LDLRAP1: variants seen among roughly 807,000 people sequenced by gnomAD.
LDLRAP1 encodes the protein low density lipoprotein receptor adaptor protein 1.
In LDLRAP1, 30 loss-of-function variants were observed where a neutral mutation model predicts 37.8. The observed-to-expected ratio is 0.79, with a 90% CI of 0.59 to 1.08. The LOEUF is 1.08. Among genes scored for constraint, LDLRAP1 ranks in the 50% least tolerant of loss-of-function variants. The pLI is 0.00. For synonymous variants in LDLRAP1, 156 were observed against 169.8 expected, an observed-to-expected ratio of 0.92 and a Z score of 0.63; for missense variants, 375 against 401.6, an observed-to-expected ratio of 0.93 and a Z score of 0.57.
chr1:25,588,451 C>T, the LDLRAP1 span, among the ~76,000 whole-genome samples: 2 of 152,176 alleles, frequency 1.3e-5, no homozygotes, highest in African/African-American at 2.4e-5. Context: ...TTGGGACATG[C>T]GGGCGGCAAT....
chr1:25,558,544 G>A (rs1247414801), intron 4 of LDLRAP1, among the ~76,000 whole-genome samples: 2 of 152,120 alleles, frequency 1.3e-5, no homozygotes, highest in African/African-American at 4.8e-5. Context: ...GTTCTGGGGG[G>A]AATCCATTTC....
At chr1:25,562,789 G>T in intron 5 of LDLRAP1, 73 bp downstream of exon 5, 1 of 1,346,886 alleles carries the variant, frequency 7.4e-7, no homozygotes, top group Non-Finnish European at 1.1e-6. Flanking sequence ...GGTCAGACCT[G>T]GACCGACTTC....
chr1:25,579,638 G>A, the LDLRAP1 span, among the ~76,000 whole-genome samples: 3 of 152,094 alleles, frequency 2.0e-5, no homozygotes, highest in Non-Finnish European at 4.4e-5. Flanking sequence ...TCCTTGAATC[G>A]CCCAGTGCCA....
the LDLRAP1 span, among the ~76,000 whole-genome samples, chr1:25,575,261 T>C: frequency 2.0e-5 from 3 of 151,814 alleles, no homozygotes; most frequent in Non-Finnish European, 4.4e-5. Flanking sequence ...GGAAAGAGCA[T>C]GGAGGTAGAA....
At position 25,554,154 on chromosome 1, in the gene LDLRAP1, T is replaced by C; in HGVS notation, c.231+90T>C. On this transcript the variant is annotated intron_variant, in intron 2 of 8. Coordinates refer to ENST00000374338, the MANE Select transcript of LDLRAP1 (RefSeq NM_015627.3). This position sits in a 1 kb window ranked among gnomAD's most constrained non-coding sequence, Gnocchi z 5.4. ...CCCTCGTCCCAGCTTGTTACTCCAGTTGGGTGTGTCTGAGCCTGGCCCTGC... is the reference window on the plus strand; with the variant it reads ...CCCTCGTCCCAGCTTGTTACTCCAGCTGGGTGTGTCTGAGCCTGGCCCTGC... 3.3e-6 allele frequency: 5 copies of C among 1,515,768 alleles called. No homozygotes were observed. The highest frequency in any genetic ancestry group is 4.5e-6 in the Non-Finnish European group (5 of 1,107,068). 93.9% of individuals were successfully genotyped at this position (1,515,768 alleles called of 1,614,324 possible).
At chr1:25,559,336 A>G (rs1028897931) in intron 4 of LDLRAP1, among the ~76,000 whole-genome samples, 3 of 152,068 alleles carry the variant, frequency 2.0e-5, no homozygotes, top group African/African-American at 7.2e-5. Flanking sequence ...TGGGAGTAAG[A>G]GAGAGGTGCA....
At chr1:25,553,850 G>T in intron 1 of LDLRAP1, 72 bp from the exon 2 acceptor site, 1 of 1,583,274 alleles carries the variant, frequency 6.3e-7, no homozygotes, top group Non-Finnish European at 8.6e-7. Context: ...TAGGAAAGAA[G>T]GCTGGTGAGA....
At chr1:25,571,318 C>T (rs2044602478), downstream of LDLRAP1, among the ~76,000 whole-genome samples, 1 of 152,218 alleles carries the variant, frequency 6.6e-6, no homozygotes, top group Non-Finnish European at 1.5e-5. Flanking sequence ...TAGTTTAGAA[C>T]TCCACAGGGG....
chr1:25,571,724 CCTTG>C (rs2044606796), downstream of LDLRAP1, among the ~76,000 whole-genome samples: 1 of 152,216 alleles, frequency 6.6e-6, no homozygotes, highest in East Asian at 1.9e-4. Flanking sequence ...ATCAGGATGA[CCTTG>C]CTTGCTTAGG....
At chr1:25,557,832 G>A (rs773437220) in intron 4 of LDLRAP1, among the ~76,000 whole-genome samples, 2 of 151,988 alleles carry the variant, frequency 1.3e-5, no homozygotes, top group Non-Finnish European at 1.5e-5. Context: ...GTCTTCACTC[G>A]TTTAATTCTC....
chr1:25,562,473 A>G (rs2044365347), intron 4 of LDLRAP1, among the ~76,000 whole-genome samples, 171 bp from the exon 5 acceptor site: 1 of 152,196 alleles, frequency 6.6e-6, no homozygotes, highest in Non-Finnish European at 1.5e-5. Context: ...AGACCTGGGA[A>G]GGGCCAGGAC....
Position 25,563,102 on chromosome 1 carries a change from G to T in LDLRAP1, c.565G>T (p.Gly189Ter). 6.2e-7 allele frequency: 1 copy of T among 1,614,108 alleles called. No individual in the cohort carries two copies. Among genetic ancestry groups the T allele is most frequent in the South Asian group, 1.1e-5 (1 of 91,078 alleles). The change falls in exon 6 of 9, where the codon GGA (glycine) becomes TGA (stop). Residue 189 changes from glycine to a stop codon, truncating the protein, a stop_gained. Coordinates refer to ENST00000374338, the MANE Select transcript of LDLRAP1 (RefSeq NM_015627.3). LOFTEE classifies it high-confidence loss of function. ...KEKRDKASQEGGDVLGARQDC... is the reference protein window; with the variant it reads ...KEKRDKASQE Reference sequence around the variant, plus strand: ...GAAGAGGGACAAAGCCAGCCAAGAGGGAGGGGACGTCCTGGGGGCCCGCCA... The same window carrying T: ...GAAGAGGGACAAAGCCAGCCAAGAGTGAGGGGACGTCCTGGGGGCCCGCCA...
intron 1 of LDLRAP1, chr1:25,553,499 T>G (rs2044124099): frequency 4.6e-6 from 1 of 218,004 alleles, no homozygotes; most frequent in Non-Finnish European, 9.4e-6. Flanking sequence ...GAGAACATTT[T>G]ATGTAAAGCT....
chr1:25,545,703 G>C (rs183077462), intron 1 of LDLRAP1, among the ~76,000 whole-genome samples: 6 of 152,262 alleles, frequency 3.9e-5, no homozygotes, highest in African/African-American at 1.2e-4. Context: ...AGGAGGGCAG[G>C]CCGAGCCCCA....
At chr1:25,589,658 C>T in the LDLRAP1 span, among the ~76,000 whole-genome samples, 6 of 152,212 alleles carry the variant, frequency 3.9e-5, no homozygotes, top group Non-Finnish European at 7.3e-5. Flanking sequence ...CCTCCATCTT[C>T]TCCCGCCCTC....
rs1023237812 is a variant in LDLRAP1 at position 25,544,181 on chromosome 1, G to A, written c.88+395G>A. 2.0e-5 allele frequency among the ~76,000 whole-genome samples: 3 copies of A among 152,138 alleles called. No individual in the cohort carries two copies. Among genetic ancestry groups the A allele is most frequent in the African/African-American group, 7.2e-5 (3 of 41,456 alleles). On this transcript the variant is annotated intron_variant, in intron 1 of 8. Coordinates refer to ENST00000374338, the MANE Select transcript of LDLRAP1 (RefSeq NM_015627.3). This position sits in a 1 kb window ranked among gnomAD's most constrained non-coding sequence, Gnocchi z 4.8. ...TAGGGGAGGAGGAGAGGGCGCAGGG[G>A]CTTGGGAAGACGCCCCCGTCCCGCA...
chr1:25,562,061 C>G (rs1276408453), intron 4 of LDLRAP1, among the ~76,000 whole-genome samples: 2 of 152,114 alleles, frequency 1.3e-5, no homozygotes. Flanking sequence ...GTTTTGGTCC[C>G]CGGGCCTTCA....
the LDLRAP1 span, among the ~76,000 whole-genome samples, chr1:25,589,930 G>A: frequency 1.3e-3 from 199 of 152,260 alleles, 1 homozygote; most frequent in African/African-American, 4.5e-3. Flanking sequence ...GTGAAACCCC[G>A]TCTCTACTAA....
intron 6 of LDLRAP1, 102 bp from the exon 7 acceptor site, chr1:25,563,559 A>G (rs6661159): frequency 0.52 from 796,492 of 1,524,598 alleles, 210,503 homozygotes; most frequent in Middle Eastern, 0.57. Flanking sequence ...GGCCTGGGCA[A>G]GGCCACATCA....
Sources: allele counts gnomAD v4.1 joint callset (sites outside exome capture counted in the v4.1 genomes callset), GRCh38; gene constraint gnomAD v4.1.1; non-coding constraint Gnocchi (gnomAD v3.1); transcripts MANE v1.5; gene names NCBI Gene and HGNC (gene_info 2026-07-23, HGNC 2026-07-21).